The following ALPK3 variants were observed in gnomAD, a reference collection of about 807,000 sequenced individuals.
The protein encoded by ALPK3 is alpha-protein kinase 3.
Under a neutral mutation model 140.0 loss-of-function variants are expected in ALPK3, and 102 were observed. That is an observed-to-expected ratio of 0.73 (90% CI 0.62 to 0.86). The LOEUF (loss-of-function observed/expected upper bound fraction) is 0.86, where lower values mean the gene tolerates loss of function less well. Ranked by LOEUF, ALPK3 falls within the 40% of genes least tolerant of loss-of-function variation. ALPK3 has a pLI of 0.00. For missense variants in ALPK3, 2,254 were observed against 2,208.2 expected (o/e 1.02, Z -0.42); for synonymous variants, 938 against 898.5 (o/e 1.04, Z -0.79).
Position 84,873,442 on chromosome 15 carries a change from G to A in ALPK3, c.*4986G>A, listed in dbSNP as rs552996369. On this transcript the variant is annotated 3_prime_UTR_variant, in exon 14 of 14. Transcript: ENST00000258888. ...TTTTACGTAGAATGTAGAATCTCTGGTGAGTGAACATATCAATAAAGACAA... is the reference window on the plus strand; with the variant it reads ...TTTTACGTAGAATGTAGAATCTCTGATGAGTGAACATATCAATAAAGACAA... 1 of 152,110 alleles carries A rather than the reference G, an allele frequency of 6.6e-6. No individual in the cohort carries two copies. The highest frequency in any genetic ancestry group is 1.5e-5 in the Non-Finnish European group (1 of 68,038). The allele number at this position is 152,110 out of a possible 1,614,324, so 9.4% of individuals were successfully genotyped here. A position where few individuals can be genotyped will look rare whatever the true frequency, so the allele number is the denominator to read the frequency against.
chr15:84,848,647 G>T (rs80274978), intron 5 of ALPK3, among the ~76,000 whole-genome samples: 2 of 152,236 alleles, frequency 1.3e-5, no homozygotes, highest in South Asian at 4.1e-4. Flanking sequence ...AATGGTCTGA[G>T]CATATCAATT....
At chr15:84,828,257 T>G (rs1473572519) in intron 3 of ALPK3, among the ~76,000 whole-genome samples, 1 of 152,212 alleles carries the variant, frequency 6.6e-6, no homozygotes, top group Non-Finnish European at 1.5e-5. Flanking sequence ...GACTGTTACT[T>G]GCATTTCACT....
At chr15:84,867,217 A>G in intron 12 of ALPK3, 100 bp from the exon 13 acceptor site, 1 of 1,224,162 alleles carries the variant, frequency 8.2e-7, no homozygotes, top group Non-Finnish European at 1.2e-6. Flanking sequence ...CAGCAGGAAG[A>G]GACATGGTTC....
chr15:84,857,549 C>T lies in ALPK3; in HGVS notation c.2811C>T (p.Ala937=). ...CCACCAGCAGTGAGGGGGCCTGCGC[C>T]CAGGTACCAGATGTGGAGGGGCGGA... is the stretch of plus-strand genomic sequence containing the variant. ...TMATSSEGAC[A]QVPDVEGRTP... Residue 937 remains alanine, a synonymous_variant, in exon 6 of 14, where the codon GCC becomes GCT. Coordinates refer to ENST00000258888, the MANE Select transcript of ALPK3 (RefSeq NM_020778.5). 1 of 1,584,164 alleles carries T rather than the reference C, an allele frequency of 6.3e-7. No homozygotes were observed. Among genetic ancestry groups the T allele is most frequent in the African/African-American group, 1.3e-5 (1 of 74,416 alleles).
chr15:84,830,174 C>T (rs1963531001), intron 3 of ALPK3, among the ~76,000 whole-genome samples: 1 of 152,074 alleles, frequency 6.6e-6, no homozygotes, highest in African/African-American at 2.4e-5. Context: ...CCTCTTAATA[C>T]GATATTCTGC....
chr15:84,843,952 C>T (rs1222127446), intron 5 of ALPK3, among the ~76,000 whole-genome samples: 1 of 151,856 alleles, frequency 6.6e-6, no homozygotes, highest in Non-Finnish European at 1.5e-5. Flanking sequence ...AGAATTAGGC[C>T]AGGCATGGTG....
intron 9 of ALPK3, among the ~76,000 whole-genome samples, chr15:84,861,300 C>CA (rs2141571724): frequency 6.6e-6 from 1 of 151,988 alleles, no homozygotes; most frequent in East Asian, 1.9e-4. Flanking sequence ...TCCCATTTAA[C>CA]ATGTTAAATG....
rs528599723 is a variant in ALPK3 at position 84,839,411 on chromosome 15, G to A, written c.423-291G>A. On this transcript the variant is annotated intron_variant, in intron 4 of 13. Transcript: ENST00000258888. ...AGCAACTGTATCATCATGACTTCAC[G>A]AGGGGCTGTGTTGGTCACCTGCTTC... Among the ~76,000 whole-genome samples the A allele has an allele frequency of 4.6e-5, 7 of 152,320 alleles. No homozygotes were observed. The South Asian group carries it at 1.5e-3, about 32-fold the overall frequency.
chr15:84,850,067 C>T (rs1231785969), intron 5 of ALPK3, among the ~76,000 whole-genome samples: 1 of 125,000 alleles, frequency 8.0e-6, no homozygotes, highest in East Asian at 2.4e-4. Context: ...ACTACAGACC[C>T]TGTAAGGATT....
In ALPK3 at chr15:84,867,320, T is replaced by C; in HGVS notation, c.4727T>C (p.Val1576Ala). 1 of 1,613,700 alleles carries C rather than the reference T, an allele frequency of 6.2e-7. No homozygotes were observed. ...GSFLVTDLAG[V>A]DWKMTDVQIA... ...TCCCAACTTTCTCTCTTTTCAGGGG[T>C]TGACTGGAAGATGACTGATGTGCAG... The change falls in exon 13 of 14, where the codon GTT becomes GCT. Residue 1576 changes from valine to alanine, a missense_variant. Physicochemically the swap from Val to Ala is moderately conservative, Grantham distance 64 (BLOSUM62 0). Coordinates refer to ENST00000258888, the MANE Select transcript of ALPK3 (RefSeq NM_020778.5).
intron 1 of ALPK3, among the ~76,000 whole-genome samples, chr15:84,820,388 C>T (rs1385633019): frequency 6.6e-6 from 1 of 152,130 alleles, no homozygotes; most frequent in African/African-American, 2.4e-5. Context: ...ATGTCCCAGA[C>T]TAGATGAAAG....
At chr15:84,846,921 G>A (rs557193519) in intron 5 of ALPK3, among the ~76,000 whole-genome samples, 11 of 151,876 alleles carry the variant, frequency 7.2e-5, no homozygotes, top group Non-Finnish European at 1.5e-4. Flanking sequence ...GACGTGTGCC[G>A]CTACACTTGG....
At chr15:84,824,659 G>A (rs1478257040) in intron 2 of ALPK3, among the ~76,000 whole-genome samples, 1 of 152,220 alleles carries the variant, frequency 6.6e-6, no homozygotes, top group African/African-American at 2.4e-5. Context: ...GTTGACAGGA[G>A]ACGACCTGGG....
At chr15:84,843,586 G>A (rs1382671461) in intron 5 of ALPK3, among the ~76,000 whole-genome samples, 2 of 152,178 alleles carry the variant, frequency 1.3e-5, no homozygotes, top group Non-Finnish European at 2.9e-5. Flanking sequence ...TTACTGACGA[G>A]CTCCAAGTTA....
chr15:84,872,024 T>C lies in ALPK3; in HGVS notation c.*3568T>C, dbSNP rs761622579. On this transcript the variant is annotated 3_prime_UTR_variant, in exon 14 of 14. Coordinates refer to ENST00000258888, the MANE Select transcript of ALPK3 (RefSeq NM_020778.5). ...CACAGGTGTAGACAGGTGAAAACAC[T>C]GGACAGTGAGTGAGCTACCCACACA... is the stretch of plus-strand genomic sequence containing the variant. The C allele has an allele frequency of 2.6e-5, 4 of 152,246 alleles. No homozygotes were observed. Among genetic ancestry groups the C allele is most frequent in the Non-Finnish European group, 5.9e-5 (4 of 68,062 alleles). The allele number at this position is 152,246 out of a possible 1,614,324, so 9.4% of individuals were successfully genotyped here.
Position 84,859,649 on chromosome 15 carries a change from G to T in ALPK3, c.3966-127G>T, listed in dbSNP as rs1025569927. On this transcript the variant is annotated intron_variant, in intron 7 of 13. Coordinates refer to ENST00000258888, the MANE Select transcript of ALPK3 (RefSeq NM_020778.5). ...AGGACCAGCTCTTGGCCCTGGAATC[G>T]CGCTGCTTCCCCAAAGCTCTCAGAG... 9.3e-6 allele frequency: 13 copies of T among 1,400,012 alleles called. No individual in the cohort carries two copies. The East Asian group carries it at 2.3e-4, about 24-fold the overall frequency. The allele number at this position is 1,400,012 out of a possible 1,614,324, so 86.7% of individuals were successfully genotyped here.
chr15:84,832,652 A>G (rs956627461), intron 3 of ALPK3, among the ~76,000 whole-genome samples: 1 of 152,190 alleles, frequency 6.6e-6, no homozygotes, highest in African/African-American at 2.4e-5. Flanking sequence ...CTACAAGCAC[A>G]GGGCATACAC....
At position 84,857,132 on chromosome 15, in the gene ALPK3, C is replaced by G. The variant is rs562693169; in HGVS notation, c.2394C>G (p.Leu798=). Residue 798 remains leucine, a synonymous_variant, in exon 6 of 14, where the codon CTC becomes CTG. Coordinates refer to ENST00000258888, the MANE Select transcript of ALPK3 (RefSeq NM_020778.5). ...TGCTGGGTCCCCTGTCAGGGAACCT[C>G]ATGCTCCCAGCACAGCCGCCCCATG... ...QTVLGPLSGN[L]MLPAQPPHEG... 4.3e-6 allele frequency: 7 copies of G among 1,614,122 alleles called. No homozygotes were observed. In the African/African-American group the frequency reaches 9.3e-5, roughly 22 times the overall value.
At chr15:84,835,230 T>TCA (rs150547330) in intron 3 of ALPK3, among the ~76,000 whole-genome samples, 4 of 152,122 alleles carry the variant, frequency 2.6e-5, no homozygotes, top group Non-Finnish European at 5.9e-5. Flanking sequence ...CTGGCTCTGG[T>TCA]CACACACACA....
Sources: gnomAD v4.1 joint callset for allele counts (sites outside exome capture counted in the v4.1 genomes callset) on GRCh38, gnomAD v4.1.1 for gene constraint, MANE v1.5 for transcripts, NCBI Gene and HGNC (gene_info 2026-07-23, HGNC 2026-07-21) for gene names.